The following SPEF2 variants were observed in gnomAD, a reference collection of about 807,000 sequenced individuals.
The protein encoded by SPEF2 is sperm flagella and cilia-associated protein 2.
Under a neutral mutation model 224.6 loss-of-function variants are expected in SPEF2, and 187 were observed. That is an observed-to-expected ratio of 0.83 (90% CI 0.74 to 0.94). The LOEUF (loss-of-function observed/expected upper bound fraction) is 0.94, where lower values mean the gene tolerates loss of function less well. SPEF2 is among the 40% of genes least tolerant of loss of function. SPEF2 has a pLI of 0.00. For missense variants in SPEF2, 2,170 were observed against 2,135.6 expected (o/e 1.02, Z -0.32); for synonymous variants, 715 against 707.3 (o/e 1.01, Z -0.17).
intron 1 of SPEF2, among the ~76,000 whole-genome samples, chr5:35,620,497 A>G (rs1470271010): frequency 2.0e-5 from 3 of 152,206 alleles, no homozygotes; most frequent in African/African-American, 7.2e-5. Context: ...AGCACTTTGG[A>G]CATAAATGCT....
At chr5:35,752,579 G>A (rs1749825266) in intron 23 of SPEF2, among the ~76,000 whole-genome samples, 2 of 4,000 alleles carry the variant, frequency 5.0e-4, no homozygotes, top group African/African-American at 3.1e-3. Context: ...TTATAAGCAT[G>A]AGCCACTGTG....
Position 35,644,539 on chromosome 5 carries a change from A to AT in SPEF2, c.585+20dup, listed in dbSNP as rs1747078409. ...GATATTGAAAAGGTTCTATAGAACT[A>AT]TTTTTTCAGAAATTCATTAGTGCAT... On this transcript the variant is annotated intron_variant, in intron 4 of 36. Transcript: ENST00000356031. 1 of 1,573,122 alleles carries AT rather than the reference A, an allele frequency of 6.4e-7. No homozygotes were observed.
At chr5:35,798,887 A>T (rs1247912513) in intron 33 of SPEF2, among the ~76,000 whole-genome samples, 1 of 152,072 alleles carries the variant, frequency 6.6e-6, no homozygotes, top group Non-Finnish European at 1.5e-5. Flanking sequence ...ATGAGCCACC[A>T]CGCCTGGCCT....
intron 2 of SPEF2, among the ~76,000 whole-genome samples, chr5:35,636,963 G>A (rs1196801090): frequency 6.9e-6 from 1 of 145,760 alleles, no homozygotes; most frequent in Non-Finnish European, 1.5e-5. Context: ...GTGACAGAGT[G>A]AGACTCTGTC....
intron 26 of SPEF2, among the ~76,000 whole-genome samples, chr5:35,770,043 G>A (rs922452699): frequency 6.7e-5 from 10 of 149,818 alleles, no homozygotes; most frequent in Non-Finnish European, 1.2e-4. Flanking sequence ...GTGTGTGTGT[G>A]TGTGTGTGTT....
chr5:35,726,486 G>A (rs1166017621), intron 20 of SPEF2, among the ~76,000 whole-genome samples: 1 of 152,018 alleles, frequency 6.6e-6, no homozygotes, highest in Non-Finnish European at 1.5e-5. Flanking sequence ...ATATAATTTA[G>A]ATATAACTTC....
chr5:35,790,109 C>T, intron 30 of SPEF2: 1 of 702,910 alleles, frequency 1.4e-6, no homozygotes. Context: ...CACTAGTCGA[C>T]CTAGTGTTGA....
At position 35,644,516 on chromosome 5, in the gene SPEF2, T is replaced by C; in HGVS notation, c.576T>C (p.Asp192=). 1 of 1,599,640 alleles carries C rather than the reference T, an allele frequency of 6.3e-7. No homozygotes were observed. The highest frequency in any genetic ancestry group is 1.4e-5 in the African/African-American group (1 of 73,916). ...QKLKEEQRCF[D]IEKQYLNRRR... is the part of the protein sequence containing the mutation. ...TCAAGGAAGAGCAAAGATGTTTTGA[T>C]ATTGAAAAGGTTCTATAGAACTATT... The change falls in exon 4 of 37, where the codon GAT becomes GAC. Residue 192 remains aspartate (D), a synonymous_variant. Coordinates refer to ENST00000356031, the MANE Select transcript of SPEF2 (RefSeq NM_024867.4).
Position 35,654,548 on chromosome 5 carries a change from A to G in SPEF2, c.800A>G (p.Lys267Arg). The part of the protein sequence containing the change: ...KDLQAKESAS[K>R]TSLDTAGQTT... Reference sequence around the variant, plus strand: ...AAAACTATTATTCTTAGTGCATCCAAGACTTCTTTAGATACAGCAGGCCAG... The same window carrying G: ...AAAACTATTATTCTTAGTGCATCCAGGACTTCTTTAGATACAGCAGGCCAG... The change falls in exon 7 of 37, where the codon AAG becomes AGG. Residue 267 changes from lysine to arginine, a missense_variant. Physicochemically the swap from Lys to Arg is conservative, Grantham distance 26. Coordinates refer to ENST00000356031, the MANE Select transcript of SPEF2 (RefSeq NM_024867.4). The G allele has an allele frequency of 6.3e-7, 1 of 1,578,066 alleles. No individual in the cohort carries two copies. Among genetic ancestry groups the G allele is most frequent in the Non-Finnish European group, 8.6e-7 (1 of 1,169,102 alleles).
chr5:35,648,630 T>A (rs1024416686), intron 5 of SPEF2, among the ~76,000 whole-genome samples: 1 of 152,176 alleles, frequency 6.6e-6, no homozygotes, highest in Non-Finnish European at 1.5e-5. Flanking sequence ...CTGGCCTGAT[T>A]AAAGTTTTTT....
chr5:35,680,418 C>G lies in SPEF2; in HGVS notation c.1524+10191C>G, dbSNP rs78449166. 2.6e-3 allele frequency among the ~76,000 whole-genome samples: 400 copies of G among 152,224 alleles called. 4 individuals carry two copies. The highest frequency in any genetic ancestry group is 9.3e-3 in the African/African-American group (385 of 41,546). ...TATCTTGTTTGGGGGCCTAAGTCATCTTTGTACTTAGTTAAAATTACTAAA... is the reference window on the plus strand; with the variant it reads ...TATCTTGTTTGGGGGCCTAAGTCATGTTTGTACTTAGTTAAAATTACTAAA... On this transcript the variant is annotated intron_variant, in intron 10 of 36. Transcript: ENST00000356031.
At chr5:35,638,125 T>G (rs1580070459) in intron 2 of SPEF2, among the ~76,000 whole-genome samples, 1 of 152,160 alleles carries the variant, frequency 6.6e-6, no homozygotes, top group East Asian at 1.9e-4. Context: ...TCTTTATATC[T>G]CTAGGGCTTA....
At chr5:35,655,854 AC>A (rs1580143783) in intron 7 of SPEF2, among the ~76,000 whole-genome samples, 1 of 152,230 alleles carries the variant, frequency 6.6e-6, no homozygotes, top group Non-Finnish European at 1.5e-5. Flanking sequence ...AATAAGAGTG[AC>A]CAGGTCAGAC....
At chr5:35,784,228 C>T (rs969927326) in intron 30 of SPEF2, among the ~76,000 whole-genome samples, 5 of 151,688 alleles carry the variant, frequency 3.3e-5, no homozygotes, top group Admixed American at 6.6e-5. Context: ...CCCGGGTTCA[C>T]GCCATTCTCC....
chr5:35,783,170 A>G (rs1338747437), intron 30 of SPEF2, among the ~76,000 whole-genome samples: 1 of 152,190 alleles, frequency 6.6e-6, no homozygotes, highest in African/African-American at 2.4e-5. Context: ...AACAATAGCC[A>G]ATTTGGCATG....
At chr5:35,620,599 A>T (rs957963398) in intron 1 of SPEF2, among the ~76,000 whole-genome samples, 1 of 152,232 alleles carries the variant, frequency 6.6e-6, no homozygotes, top group Admixed American at 6.5e-5. Context: ...CATGAATTAC[A>T]GGGGCAAAAA....
chr5:35,803,425 G>T (rs188075082), intron 34 of SPEF2, among the ~76,000 whole-genome samples: 1 of 152,312 alleles, frequency 6.6e-6, no homozygotes, highest in Admixed American at 6.5e-5. Context: ...GCTCTCAAGA[G>T]CTCCTTTAAA....
In SPEF2 at chr5:35,708,986, G is replaced by A; in HGVS notation, c.2704G>A (p.Ala902Thr). ...KLEEKEAEKKAAASLAELPLP... is the reference protein window; with the variant it reads ...KLEEKEAEKKTAASLAELPLP... ...AGAAGAAAAGGAAGCTGAGAAAAAA[G>A]CAGCAGCTTCCCTGGCTGAGCTTCC... Residue 902 changes from alanine (A) to threonine (T), a missense_variant, in exon 19 of 37, where the codon GCA becomes ACA. Ala to Thr is a moderately conservative substitution (Grantham distance 58). Transcript: ENST00000356031. The A allele has an allele frequency of 6.2e-7, 1 of 1,612,766 alleles. No individual in the cohort carries two copies. Among genetic ancestry groups the A allele is most frequent in the Non-Finnish European group, 8.5e-7 (1 of 1,179,726 alleles).
At chr5:35,636,890 C>T (rs745826285) in intron 2 of SPEF2, among the ~76,000 whole-genome samples, 35 of 150,806 alleles carry the variant, frequency 2.3e-4, no homozygotes, top group Non-Finnish European at 4.0e-4. Context: ...GCAGGAGAAT[C>T]GCTTGAACCT....
Sources: gnomAD v4.1 joint callset for allele counts (sites outside exome capture counted in the v4.1 genomes callset) on GRCh38, gnomAD v4.1.1 for gene constraint, MANE v1.5 for transcripts, NCBI Gene and HGNC (gene_info 2026-07-23, HGNC 2026-07-21) for gene names.